Variants in TNK1 observed in about 807,000 individuals in gnomAD.
TNK1 encodes tyrosine kinase non receptor 1.
TNK1 carries 53 observed loss-of-function variants against 65.2 expected under a neutral mutation model. That is an observed-to-expected ratio of 0.81 (90% CI 0.65 to 1.02). The LOEUF is 1.02. TNK1 is among the 50% of genes least tolerant of loss of function. The pLI, the probability that TNK1 is intolerant of heterozygous loss-of-function variation, is 0.00. For missense variants in TNK1, 837 were observed against 878.4 expected, an observed-to-expected ratio of 0.95 and a Z score of 0.60; for synonymous variants, 353 against 364.6, an observed-to-expected ratio of 0.97 and a Z score of 0.36.
In TNK1 at chr17:7,385,900, G is replaced by A. The variant is rs557811883; in HGVS notation, c.1138-661G>A. ...AATTATTATCTCCATGTTACTGATG[G>A]GCAGTTGAGGCACTGAGAGTTTAAG... On this transcript the variant is annotated intron_variant, in intron 7 of 12. Transcript: ENST00000688331. Among the ~76,000 whole-genome samples the A allele has an allele frequency of 5.3e-5, 8 of 152,220 alleles. No homozygotes were observed. The South Asian group carries it at 1.7e-3, about 32-fold the overall frequency.
rs1597675889 is a variant in TNK1, at chr17:7,382,661, T to G, written c.-91-175T>G. Among the ~76,000 whole-genome samples the G allele has an allele frequency of 6.6e-6, 1 of 152,120 alleles. No homozygotes were observed. Among genetic ancestry groups the G allele is most frequent in the South Asian group, 2.1e-4 (1 of 4,830 alleles). ...GAGTCTGTAGTAGGAGCAGGCAGTA[T>G]GCTAAAATTGCAGGTGTGAGCAGGG... On this transcript the variant is annotated intron_variant, in intron 1 of 12. Coordinates refer to ENST00000688331, the MANE Select transcript of TNK1 (RefSeq NM_003985.6). This position sits in a 1 kb window ranked among gnomAD's most constrained non-coding sequence, Gnocchi z 4.1.
upstream of TNK1, chr17:7,380,404 G>C (rs1904739391): frequency 6.6e-6 from 1 of 152,312 alleles, no homozygotes; most frequent in African/African-American, 2.4e-5. Flanking sequence ...CCACAGGCTA[G>C]GTAGCAGTGT....
At chr17:7,381,369 T>C (rs1420289594) in intron 1 of TNK1, among the ~76,000 whole-genome samples, 2 of 152,132 alleles carry the variant, frequency 1.3e-5, no homozygotes, top group East Asian at 1.9e-4. Flanking sequence ...CACCTGCGCG[T>C]TTCCAACTAG....
In TNK1 at chr17:7,383,067, C is replaced by T. The variant is rs373258961; in HGVS notation, c.141C>T (p.Asp47=). ...ACTTTGTAAAGCCTGAGGACCTGGA[C>T]GGCATTGGCATGGGCCGGCCTGGTG... ...HFDFVKPEDL[D]GIGMGRPAQR... Residue 47 remains aspartate (D), a synonymous_variant, in exon 2 of 13, where the codon GAC becomes GAT. Transcript: ENST00000688331. The T allele has an allele frequency of 2.7e-4, 435 of 1,614,004 alleles. 1 individual carries two copies. Among genetic ancestry groups the T allele is most frequent in the Non-Finnish European group, 3.3e-4 (391 of 1,179,890 alleles).
intron 10 of TNK1, among the ~76,000 whole-genome samples, chr17:7,387,972 T>C (rs1015409555): frequency 3.3e-5 from 5 of 152,232 alleles, no homozygotes; most frequent in Non-Finnish European, 7.3e-5. Flanking sequence ...CTCCACACTC[T>C]GGGCCCTGAG....
At chr17:7,385,919 G>A (rs573176963) in intron 7 of TNK1, among the ~76,000 whole-genome samples, 1 of 152,284 alleles carries the variant, frequency 6.6e-6, no homozygotes, top group Non-Finnish European at 1.5e-5. Context: ...GGCACTGAGA[G>A]TTTAAGTGAC....
rs767665856 is a variant in TNK1, at chr17:7,383,791, C to G, written c.509C>G (p.Ser170Trp). 2.5e-6 allele frequency: 4 copies of G among 1,613,128 alleles called. No individual in the cohort carries two copies. Among genetic ancestry groups the G allele is most frequent in the Non-Finnish European group, 3.4e-6 (4 of 1,179,558 alleles). ...CTGGGGGACTTCCTGCGAGAGGTAT[C>G]GGTCATGATGAACTTGGAGCACCCA... is the stretch of plus-strand genomic sequence containing the variant. ...TELGDFLREV[S>W]VMMNLEHPHV... The change falls in exon 5 of 13, where the codon TCG (serine) becomes TGG (tryptophan). Residue 170 changes from serine (S) to tryptophan (W), a missense_variant. Coordinates refer to ENST00000688331, the MANE Select transcript of TNK1 (RefSeq NM_003985.6).
Position 7,388,628 on chromosome 17 carries a change from T to C in TNK1, c.1700T>C (p.Met567Thr), listed in dbSNP as rs771503560. 5.6e-6 allele frequency: 9 copies of C among 1,614,000 alleles called. No individual in the cohort carries two copies. In the East Asian group the frequency reaches 1.8e-4, roughly 32 times the overall value. Residue 567 changes from methionine (M) to threonine (T), a missense_variant, in exon 11 of 13, where the codon ATG becomes ACG. By Grantham distance (81) the Met-to-Thr change is moderately conservative. Transcript: ENST00000688331. The surrounding 1 kb of genome is among the most constrained non-coding windows in gnomAD (Gnocchi z 4.5). Reference sequence around the variant, plus strand: ...CCCCCACACAATCACCCCATGGGAATGCCTGGAGCCCGTAAAGCCGCTGCC... The same window carrying C: ...CCCCCACACAATCACCCCATGGGAACGCCTGGAGCCCGTAAAGCCGCTGCC... ...RKPPHNHPMG[M>T]PGARKAAALS...
At chr17:7,385,087 G>T (rs943452742) in intron 7 of TNK1, among the ~76,000 whole-genome samples, 2 of 152,144 alleles carry the variant, frequency 1.3e-5, no homozygotes, top group Non-Finnish European at 2.9e-5. Flanking sequence ...GCCGCAGGCC[G>T]GGCGCGGTGG....
chr17:7,380,841 G>A (rs1392540836), upstream of TNK1: 3 of 152,480 alleles, frequency 2.0e-5, no homozygotes, highest in Admixed American at 6.5e-5. Context: ...GAAGCTATTC[G>A]GAGAAGGCTG....
Position 7,387,122 on chromosome 17 carries a change from C to T in TNK1, c.1365C>T (p.Ala455=). Residue 455 remains alanine (A), a synonymous_variant, in exon 9 of 13, where the codon GCC becomes GCT. Transcript: ENST00000688331. ...ATRPVHRGTP[A]RGDQHPGSID... The stretch of plus-strand genomic sequence containing the variant: ...GTCCAGTCCACAGAGGCACCCCTGC[C>T]CGGGGAGATCAACACCCAGGAAGCA... 6.2e-7 allele frequency: 1 copy of T among 1,602,372 alleles called. No homozygotes were observed. The highest frequency in any genetic ancestry group is 8.5e-7 in the Non-Finnish European group (1 of 1,173,238).
Position 7,389,022 on chromosome 17 carries a change from A to G in TNK1, c.1924A>G (p.Ile642Val), listed in dbSNP as rs971477516. 2 of 1,554,842 alleles carry G rather than the reference A, an allele frequency of 1.3e-6. No individual in the cohort carries two copies. Among genetic ancestry groups the G allele is most frequent in the African/African-American group, 1.4e-5 (1 of 73,220 alleles). The change falls in exon 13 of 13, where the codon ATC (isoleucine) becomes GTC (valine). Residue 642 changes from isoleucine to valine, a missense_variant. Physicochemically the swap from Ile to Val is conservative, Grantham distance 29. Transcript: ENST00000688331. ...SSRSRADCWRILEHYQWDLSA... is the reference protein window; with the variant it reads ...SSRSRADCWRVLEHYQWDLSA... ...CCGGTCCAGAGCTGACTGCTGGCGC[A>G]TCCTGGAGCATTACCAGTGGGACCT...
chr17:7,381,622 G>GC (rs1444488489), intron 1 of TNK1, among the ~76,000 whole-genome samples: 1 of 152,202 alleles, frequency 6.6e-6, no homozygotes, highest in Non-Finnish European at 1.5e-5. Context: ...AGCCTCAGTG[G>GC]CTCCATAGGC....
In TNK1 at chr17:7,388,552, C is replaced by T; in HGVS notation, c.1624C>T (p.Pro542Ser). 1 of 1,614,016 alleles carries T rather than the reference C, an allele frequency of 6.2e-7. No homozygotes were observed. Among genetic ancestry groups the T allele is most frequent in the Non-Finnish European group, 8.5e-7 (1 of 1,179,900 alleles). Reference protein sequence around the residue: ...PPRPPLSSSSPQPSQPSRERL... With the variant: ...PPRPPLSSSSSQPSQPSRERL... ...ACGCCCACCTTTATCCTCTAGCTCT[C>T]CTCAGCCCAGCCAGCCCTCTAGGGA... The change falls in exon 11 of 13, where the codon CCT (proline) becomes TCT (serine). Residue 542 changes from proline to serine, a missense_variant. Transcript: ENST00000688331. This position sits in a 1 kb window ranked among gnomAD's most constrained non-coding sequence, Gnocchi z 4.5.
intron 3 of TNK1, 45 bp from the exon 4 acceptor site, chr17:7,383,380 G>T (rs112580083): frequency 5.6e-6 from 9 of 1,613,788 alleles, no homozygotes; most frequent in Admixed American, 1.7e-5. Flanking sequence ...GGGCAGGGAG[G>T]GGGGCGCAGG....
intron 7 of TNK1, 98 bp from the exon 8 acceptor site, chr17:7,386,463 G>A: frequency 1.1e-6 from 1 of 937,120 alleles, no homozygotes; most frequent in Non-Finnish European, 1.7e-6. Flanking sequence ...GCCCAGCACA[G>A]ACTACATACA....
In TNK1 at chr17:7,383,625, C is replaced by A; in HGVS notation, c.426+9C>A. 1 of 1,595,556 alleles carries A rather than the reference C, an allele frequency of 6.3e-7. No homozygotes were observed. The highest frequency in any genetic ancestry group is 8.6e-7 in the Non-Finnish European group (1 of 1,169,258). The stretch of plus-strand genomic sequence containing the variant: ...TGCCCAGTGGCAAGAGTGTGAGTGT[C>A]CAGGGAGCCCGCTTCATCCAGGCCA... On this transcript the variant is annotated intron_variant, in intron 4 of 12. Coordinates refer to ENST00000688331, the MANE Select transcript of TNK1 (RefSeq NM_003985.6).
Position 7,387,516 on chromosome 17 carries a change from C to T in TNK1, c.1477+59C>T, listed in dbSNP as rs554288631. 14 of 1,405,954 alleles carry T rather than the reference C, an allele frequency of 1.0e-5. No homozygotes were observed. The South Asian group carries it at 1.8e-4, about 18-fold the overall frequency. The allele number at this position is 1,405,954 out of a possible 1,614,324, so 87.1% of individuals were successfully genotyped here. The stretch of plus-strand genomic sequence containing the variant: ...ATCAAGACCAGTCCTTCAATTCCGA[C>T]CCCCTGCCCTAAATCCATGCCTTTG... On this transcript the variant is annotated intron_variant, in intron 10 of 12. Coordinates refer to ENST00000688331, the MANE Select transcript of TNK1 (RefSeq NM_003985.6).
chr17:7,389,450 G>GCCAT lies in TNK1; in HGVS notation c.*369_*372dup. ...GGGGCCACACTGGACCATGTGAACA[G>GCCAT]CCATCCTGAACTGCCATCAGCTACC... On this transcript the variant is annotated 3_prime_UTR_variant, in exon 13 of 13. Coordinates refer to ENST00000688331, the MANE Select transcript of TNK1 (RefSeq NM_003985.6). 1 of 428,060 alleles carries GCCAT rather than the reference G, an allele frequency of 2.3e-6. No individual in the cohort carries two copies. The allele number at this position is 428,060 out of a possible 1,614,324, so 26.5% of individuals were successfully genotyped here.
Sources: gnomAD v4.1 joint callset for allele counts (sites outside exome capture counted in the v4.1 genomes callset) on GRCh38, gnomAD v4.1.1 for gene constraint, Gnocchi (gnomAD v3.1) non-coding constraint, MANE v1.5 for transcripts, NCBI Gene and HGNC (gene_info 2026-07-23, HGNC 2026-07-21) for gene names.